Variants in SMG5 observed in about 807,000 individuals in gnomAD.
SMG5 encodes SMG5 nonsense mediated mRNA decay factor.
In SMG5, 53 loss-of-function variants were observed where a neutral mutation model predicts 122.9. That is an observed-to-expected ratio of 0.43 (90% confidence interval 0.35 to 0.54). SMG5 has a LOEUF of 0.54. Among genes scored for constraint, SMG5 ranks in the 20% least tolerant of loss-of-function variants. SMG5 has a pLI of 0.01. For missense variants in SMG5, 1,153 were observed against 1,285.6 expected, an observed-to-expected ratio of 0.90 and a Z score of 1.58; for synonymous variants, 477 against 490.2, an observed-to-expected ratio of 0.97 and a Z score of 0.35.
At chr1:156,260,324 C>T in intron 15 of SMG5, 127 bp downstream of exon 15, 1 of 1,144,260 alleles carries the variant, frequency 8.7e-7, no homozygotes, top group South Asian at 1.5e-5. Flanking sequence ...CAGCCTGTAG[C>T]CCCAAGGACA....
At chr1:156,278,490 C>T (rs1229059225) in intron 2 of SMG5, among the ~76,000 whole-genome samples, 5 of 151,596 alleles carry the variant, frequency 3.3e-5, no homozygotes, top group African/African-American at 1.2e-4. Flanking sequence ...AGCCTAACTA[C>T]AGGTGTGCGG....
chr1:156,281,306 TG>T (rs1662923547), intron 1 of SMG5, among the ~76,000 whole-genome samples: 1 of 152,190 alleles, frequency 6.6e-6, no homozygotes, highest in Non-Finnish European at 1.5e-5. Context: ...TGATGACAAC[TG>T]GAAGGATGAC....
Position 156,261,427 on chromosome 1 carries a change from G to C in SMG5, c.2032-19C>G, listed in dbSNP as rs201048557. 430 of 1,608,012 alleles carry C rather than the reference G, an allele frequency of 2.7e-4. No homozygotes were observed. The highest frequency in any genetic ancestry group is 3.5e-4 in the Non-Finnish European group (415 of 1,174,526). On this transcript the variant is annotated intron_variant, in intron 13 of 21. Coordinates refer to ENST00000361813, the MANE Select transcript of SMG5 (RefSeq NM_015327.3). ...GAGAGCTCTGGGGAGAGAGAAGGGA[G>C]AGGAGGCCTTCAGCTAGAGACAGTG...
Position 156,253,572 on chromosome 1 carries a change from A to G in SMG5, c.2443-64T>C, listed in dbSNP as rs1661451586. 3 of 1,511,760 alleles carry G rather than the reference A, an allele frequency of 2.0e-6. No individual in the cohort carries two copies. In the African/African-American group the frequency reaches 4.1e-5, roughly 21 times the overall value. 93.6% of individuals were successfully genotyped at this position (1,511,760 alleles called of 1,614,324 possible). On this transcript the variant is annotated intron_variant, in intron 16 of 21. Transcript: ENST00000361813. ...ATTTTCCCTTCTCCAGTGATCAGGA[A>G]GACCAAGAGGGTTTCCTGGGGTCTC...
Position 156,273,268 on chromosome 1 carries a change from G to A in SMG5, c.634+93C>T, listed in dbSNP as rs1662515508. ...GAGCTGAGAATGAAGAGGAGCTGGG[G>A]AAAATGAGTATGAACTGCCTGCCAT... On this transcript the variant is annotated intron_variant, in intron 6 of 21. Coordinates refer to ENST00000361813, the MANE Select transcript of SMG5 (RefSeq NM_015327.3). 6 of 993,624 alleles carry A rather than the reference G, an allele frequency of 6.0e-6. No individual in the cohort carries two copies. In the Admixed American group the frequency reaches 7.2e-5, roughly 12 times the overall value. 61.6% of individuals were successfully genotyped at this position (993,624 alleles called of 1,614,324 possible).
chr1:156,252,377 C>T (rs1315129416), intron 19 of SMG5, 37 bp downstream of exon 19: 2 of 1,600,502 alleles, frequency 1.2e-6, no homozygotes, highest in African/African-American at 1.3e-5. Flanking sequence ...AAAGACAGAC[C>T]CAGGGCTCAG....
Position 156,253,163 on chromosome 1 carries a change from TG to T in SMG5, c.2503-86del, listed in dbSNP as rs1661429460. 2.8e-6 allele frequency: 4 copies of T among 1,421,822 alleles called. No homozygotes were observed. In the African/African-American group the frequency reaches 5.7e-5, roughly 20 times the overall value. 88.1% of individuals were successfully genotyped at this position (1,421,822 alleles called of 1,614,324 possible). On this transcript the variant is annotated intron_variant, in intron 17 of 21. Transcript: ENST00000361813. ...AAGAGTGGTGCTCAAGGTGGCTCTA[TG>T]GGGCTCCTCCTGTTGTTAAGGGGAT...
Position 156,266,322 on chromosome 1 carries a change from A to G in SMG5, c.1314T>C (p.Pro438=). Residue 438 remains proline, a synonymous_variant, in exon 12 of 22, where the codon CCT becomes CCC. Transcript: ENST00000361813. ...CCTCACCCACTTGGGGTGTTACAGG[A>G]GGAGGCTCAGGATCTGGCTCCTCCT... is the stretch of plus-strand genomic sequence containing the variant. ...EKEEEPDPEP[P]PVTPQVGEGR... 1.9e-6 allele frequency: 3 copies of G among 1,614,140 alleles called. No individual in the cohort carries two copies. Among genetic ancestry groups the G allele is most frequent in the Non-Finnish European group, 2.5e-6 (3 of 1,180,024 alleles).
intron 20 of SMG5, 144 bp from the exon 21 acceptor site, chr1:156,251,140 T>C (rs1661328851): frequency 8.6e-7 from 1 of 1,161,372 alleles, no homozygotes; most frequent in Non-Finnish European, 1.2e-6. Context: ...CCTGGAGACA[T>C]ATGGGGAGCA....
At chr1:156,250,712 C>T in intron 21 of SMG5, 42 bp from the exon 22 acceptor site, 1 of 1,609,758 alleles carries the variant, frequency 6.2e-7, no homozygotes, top group Non-Finnish European at 8.5e-7. Context: ...GTCTGACCTC[C>T]TGAACTGAAG....
chr1:156,290,065 A>G, the SMG5 span: 1 of 152,350 alleles, frequency 6.6e-6, no homozygotes, highest in East Asian at 1.9e-4. Flanking sequence ...GCAAGAGGAT[A>G]AATACAATGG....
chr1:156,273,718 C>CTTTTTTTTTTTTTTTTT (rs748042052), intron 5 of SMG5, among the ~76,000 whole-genome samples: 4 of 116,338 alleles, frequency 3.4e-5, no homozygotes, highest in Non-Finnish European at 5.2e-5. Context: ...GTTTTGTTTT[C>CTTTTTTTTTTTTTTTTT]TTTTTTTTTT....
At chr1:156,253,892 CA>C in intron 16 of SMG5, 1 of 286,024 alleles carries the variant, frequency 3.5e-6, no homozygotes. Flanking sequence ...ATCCACTTGC[CA>C]AAATCTTCCA....
upstream of SMG5, chr1:156,282,986 G>A: frequency 2.0e-6 from 1 of 512,472 alleles, no homozygotes; most frequent in Non-Finnish European, 3.4e-6. Flanking sequence ...AAACCCTTGC[G>A]AAAAACTTTA....
At chr1:156,260,678 CAG>C (rs771530020) in intron 14 of SMG5, 52 bp from the exon 15 acceptor site, 9 of 1,430,290 alleles carry the variant, frequency 6.3e-6, no homozygotes, top group Non-Finnish European at 8.3e-6. Flanking sequence ...AACTCCCAGT[CAG>C]AGAGACATAA....
At chr1:156,283,649 T>A (rs970301871), upstream of SMG5, among the ~76,000 whole-genome samples, 1 of 152,234 alleles carries the variant, frequency 6.6e-6, no homozygotes, top group Non-Finnish European at 1.5e-5. Context: ...TTGTTGTTTT[T>A]GCCTGTGTAT....
intron 21 of SMG5, 27 bp from the exon 22 acceptor site, chr1:156,250,697 A>G (rs1375256300): frequency 1.2e-6 from 2 of 1,612,028 alleles, no homozygotes; most frequent in South Asian, 2.2e-5. Flanking sequence ...GGAAAGATGG[A>G]GAGGGTCTGA....
Position 156,268,533 on chromosome 1 carries a change from T to C in SMG5, c.714-118A>G, listed in dbSNP as rs187827562. The C allele has an allele frequency of 2.2e-3, 2,942 of 1,309,628 alleles. 7 individuals carry two copies. The highest frequency in any genetic ancestry group is 2.9e-3 in the Non-Finnish European group (2,769 of 950,642). 81.1% of individuals were successfully genotyped at this position (1,309,628 alleles called of 1,614,324 possible). ...AGGCTGCTCCCAGCCTCAGCTTCCA[T>C]GTACATACGCAGGGTAAAAGGCTCA... On this transcript the variant is annotated intron_variant, in intron 7 of 21. Coordinates refer to ENST00000361813, the MANE Select transcript of SMG5 (RefSeq NM_015327.3).
chr1:156,272,434 C>T (rs1662478946), intron 6 of SMG5, 36 bp from the exon 7 acceptor site: 11 of 1,552,504 alleles, frequency 7.1e-6, no homozygotes, highest in Non-Finnish European at 9.7e-6. Context: ...TCTAAGGCCA[C>T]AATACTCATT....
Sources: gnomAD v4.1 joint callset for allele counts (sites outside exome capture counted in the v4.1 genomes callset) on GRCh38, gnomAD v4.1.1 for gene constraint, MANE v1.5 for transcripts, NCBI Gene and HGNC (gene_info 2026-07-23, HGNC 2026-07-21) for gene names.